Variants in TBC1D5 observed in about 807,000 individuals in gnomAD.
TBC1D5 encodes TBC1 domain family member 5.
In TBC1D5, 75 loss-of-function variants were observed where a neutral mutation model predicts 100.3. The observed-to-expected ratio is 0.75, with a 90% CI of 0.62 to 0.91. The LOEUF (loss-of-function observed/expected upper bound fraction) is 0.91. TBC1D5 is among the 40% of genes least tolerant of loss of function. The probability of loss-of-function intolerance (pLI) is 0.00; values close to 1 mark genes in which losing one functional copy is unlikely to be tolerated. For synonymous variants in TBC1D5, 323 were observed against 325.6 expected, an observed-to-expected ratio of 0.99 and a Z score of 0.09; for missense variants, 910 against 942.4, an observed-to-expected ratio of 0.97 and a Z score of 0.45.
intron 2 of TBC1D5, among the ~76,000 whole-genome samples, chr3:17,620,326 C>G (rs1162767974): frequency 6.6e-6 from 1 of 152,188 alleles, no homozygotes; most frequent in Non-Finnish European, 1.5e-5. Context: ...GGAATTTGCC[C>G]TGAAGATACA....
At chr3:17,680,959 T>C (rs1029762460) in intron 1 of TBC1D5, among the ~76,000 whole-genome samples, 1 of 151,508 alleles carries the variant, frequency 6.6e-6, no homozygotes, top group African/African-American at 2.5e-5. Flanking sequence ...ACAACCTTGA[T>C]TGCTCTACTA....
At chr3:17,377,886 C>G (rs1351637854) in intron 9 of TBC1D5, among the ~76,000 whole-genome samples, 1 of 151,774 alleles carries the variant, frequency 6.6e-6, no homozygotes, top group Non-Finnish European at 1.5e-5. Context: ...TCATTTCAAT[C>G]TTTATAGGTA....
At chr3:17,564,078 G>A (rs988837065) in intron 2 of TBC1D5, among the ~76,000 whole-genome samples, 10 of 152,138 alleles carry the variant, frequency 6.6e-5, no homozygotes, top group South Asian at 2.1e-4. Flanking sequence ...CACCGTGCCC[G>A]GCCTTACAGG....
At position 17,612,957 on chromosome 3, in the gene TBC1D5, A is replaced by G. The variant is rs139547804; in HGVS notation, c.-36+10892T>C. ...ACATGCAAATTTGTTACATATGTATACATGTGCCATGTTGGTTTGCTGCAC... is the reference window on the plus strand; with the variant it reads ...ACATGCAAATTTGTTACATATGTATGCATGTGCCATGTTGGTTTGCTGCAC... On this transcript the variant is annotated intron_variant, in intron 2 of 21. Coordinates refer to ENST00000253692, the Ensembl canonical transcript of TBC1D5. 4.9e-3 allele frequency among the ~76,000 whole-genome samples: 743 copies of G among 150,958 alleles called. 4 individuals carry two copies. The highest frequency in any genetic ancestry group is 8.4e-3 in the Non-Finnish European group (569 of 67,888).
chr3:17,169,994 A>G (rs1456274998), intron 19 of TBC1D5, among the ~76,000 whole-genome samples: 1 of 152,200 alleles, frequency 6.6e-6, no homozygotes, highest in Admixed American at 6.5e-5. Flanking sequence ...GCTGCCTCTG[A>G]TCTGACAGGA....
chr3:17,487,675 G>A (rs534306308), intron 3 of TBC1D5, among the ~76,000 whole-genome samples: 41 of 152,192 alleles, frequency 2.7e-4, no homozygotes, highest in African/African-American at 9.9e-4. Context: ...CACTAGTTTT[G>A]AGTATTCAAC....
Position 17,649,345 on chromosome 3 carries a change from C to T in TBC1D5, c.-100-25432G>A, listed in dbSNP as rs150959855. On this transcript the variant is annotated intron_variant, in intron 1 of 21. Transcript: ENST00000253692. ...AGGGTGGAGGCTGAGATGAGGGAGA[C>T]GAGCAGAAAAGGTAATTATTGGGTA... is the stretch of plus-strand genomic sequence containing the variant. Among the ~76,000 whole-genome samples, 522 of 151,776 alleles carry T rather than the reference C, an allele frequency of 3.4e-3. 5 individuals are homozygous for T. Among genetic ancestry groups the T allele is most frequent in the African/African-American group, 9.5e-3 (394 of 41,386 alleles).
chr3:17,713,280 C>T (rs1276839714), intron 1 of TBC1D5, among the ~76,000 whole-genome samples: 2 of 144,854 alleles, frequency 1.4e-5, no homozygotes, highest in East Asian at 4.0e-4. Flanking sequence ...CTCGCTCTGT[C>T]ATCCAGGCTG....
intron 1 of TBC1D5, among the ~76,000 whole-genome samples, chr3:17,725,237 C>A (rs1302306009): frequency 6.6e-6 from 1 of 152,072 alleles, no homozygotes; most frequent in Non-Finnish European, 1.5e-5. Flanking sequence ...AAAATGTATT[C>A]TGAAAGGATT....
intron 16 of TBC1D5, among the ~76,000 whole-genome samples, chr3:17,255,958 C>A (rs2077621863): frequency 6.6e-6 from 1 of 152,164 alleles, no homozygotes; most frequent in Non-Finnish European, 1.5e-5. Flanking sequence ...ATGGCGGGAA[C>A]CCGGGAGGCG....
intron 18 of TBC1D5, 107 bp downstream of exon 19, chr3:17,214,100 A>G: frequency 8.8e-7 from 1 of 1,139,982 alleles, no homozygotes; most frequent in East Asian, 2.7e-5. Context: ...TTAGTCCATA[A>G]AAGTTTTAAG....
intron 2 of TBC1D5, among the ~76,000 whole-genome samples, chr3:17,603,282 G>T (rs1440961242): frequency 6.6e-6 from 1 of 151,616 alleles, no homozygotes; most frequent in Admixed American, 6.6e-5. Context: ...TGAGACAGGA[G>T]TTTGGCAGGA....
chr3:17,590,596 T>C (rs1002386143), intron 2 of TBC1D5, among the ~76,000 whole-genome samples: 2 of 152,178 alleles, frequency 1.3e-5, no homozygotes, highest in Admixed American at 6.5e-5. Flanking sequence ...CACCTGCATC[T>C]TTCAAGAGCC....
chr3:17,693,598 G>C (rs1440955742), intron 1 of TBC1D5, among the ~76,000 whole-genome samples: 1 of 152,236 alleles, frequency 6.6e-6, no homozygotes, highest in Non-Finnish European at 1.5e-5. Flanking sequence ...ACTGGGCGGA[G>C]CCCACTGCAG....
chr3:17,254,222 G>A lies in TBC1D5; in HGVS notation c.1331+4284C>T, dbSNP rs150597273. 1.2e-4 allele frequency among the ~76,000 whole-genome samples: 19 copies of A among 152,042 alleles called. No individual in the cohort carries two copies. The East Asian group carries it at 3.3e-3, about 26-fold the overall frequency. On this transcript the variant is annotated intron_variant, in intron 16 of 21. Coordinates refer to ENST00000253692, the Ensembl canonical transcript of TBC1D5. ...TTGGATATGTGTTTTTATTTCCCTC[G>A]GATAAACACTTAGAAATTAAACTGC...
chr3:17,368,732 G>A (rs2151994322), intron 13 of TBC1D5, among the ~76,000 whole-genome samples: 1 of 149,360 alleles, frequency 6.7e-6, no homozygotes, highest in African/African-American at 2.5e-5. Flanking sequence ...TAATTTTCTT[G>A]AAACATTTTA....
chr3:17,411,828 A>G (rs1045751033), intron 4 of TBC1D5, among the ~76,000 whole-genome samples: 1 of 152,166 alleles, frequency 6.6e-6, no homozygotes, highest in Non-Finnish European at 1.5e-5. Flanking sequence ...GTGAATTGGA[A>G]ACATTATCTC....
chr3:17,202,902 C>T (rs1244013153), intron 18 of TBC1D5, among the ~76,000 whole-genome samples: 1 of 152,252 alleles, frequency 6.6e-6, no homozygotes, highest in Non-Finnish European at 1.5e-5. Flanking sequence ...AGAACCTCTA[C>T]TAGGGCAGTG....
At chr3:17,242,132 C>G (rs2076358025) in intron 16 of TBC1D5, among the ~76,000 whole-genome samples, 1 of 152,178 alleles carries the variant, frequency 6.6e-6, no homozygotes, top group Non-Finnish European at 1.5e-5. Context: ...GACCCGCACT[C>G]TACTGAAAGA....
Sources: gnomAD v4.1 joint callset for allele counts (sites outside exome capture counted in the v4.1 genomes callset) on GRCh38, gnomAD v4.1.1 for gene constraint, MANE v1.5 for transcripts, NCBI Gene and HGNC (gene_info 2026-07-23, HGNC 2026-07-21) for gene names.